Variants in DPP6 observed in about 807,000 individuals in gnomAD.
DPP6 encodes A-type potassium channel modulatory protein DPP6.
In DPP6, 69 loss-of-function variants were observed where a neutral mutation model predicts 122.6. That is an observed-to-expected ratio of 0.56 (90% confidence interval 0.46 to 0.69). The LOEUF (loss-of-function observed/expected upper bound fraction) is 0.69, where lower values mean the gene tolerates loss of function less well. Ranked by LOEUF, DPP6 falls within the 30% of genes least tolerant of loss-of-function variation. The pLI is 0.00. For synonymous variants in DPP6, 418 were observed against 433.1 expected (o/e 0.97, Z 0.43); for missense variants, 928 against 1,116.9 (o/e 0.83, Z 2.41).
At chr7:154,031,849 T>C (rs1377214538) in intron 1 of DPP6, among the ~76,000 whole-genome samples, 1 of 148,732 alleles carries the variant, frequency 6.7e-6, no homozygotes, top group African/African-American at 2.5e-5. Context: ...TCATTCTTTT[T>C]TCCTTTTTTT....
chr7:154,078,066 C>T (rs1367696933), intron 1 of DPP6, among the ~76,000 whole-genome samples: 2 of 152,100 alleles, frequency 1.3e-5, no homozygotes, highest in Non-Finnish European at 2.9e-5. Flanking sequence ...GACAGTGTGT[C>T]TACTTCCTTC....
At position 154,572,056 on chromosome 7, in the gene DPP6, G is replaced by A. The variant is rs540155972; in HGVS notation, c.627+5140G>A. On this transcript the variant is annotated intron_variant, in intron 5 of 25. Transcript: ENST00000377770. ...GCATGGGTGTTGACAGGGCCCAAATGCCATCCTTAGAGATGGGTTCTGCTC... is the reference window on the plus strand; with the variant it reads ...GCATGGGTGTTGACAGGGCCCAAATACCATCCTTAGAGATGGGTTCTGCTC... Among the ~76,000 whole-genome samples, 10 of 152,256 alleles carry A rather than the reference G, an allele frequency of 6.6e-5. No homozygotes were observed. The East Asian group carries it at 1.2e-3, about 18-fold the overall frequency.
chr7:154,882,577 C>T (rs779795273), intron 21 of DPP6, among the ~76,000 whole-genome samples: 1 of 152,136 alleles, frequency 6.6e-6, no homozygotes, highest in African/African-American at 2.4e-5. Context: ...ACCTGGGACA[C>T]AGAGCCCAGG....
chr7:154,282,727 A>C lies in DPP6; in HGVS notation c.244-163487A>C, dbSNP rs1010076184. The stretch of plus-strand genomic sequence containing the variant: ...ATCAAAAAGACCATTGTTCTCCCAG[A>C]CTTTCAGTATAACAAACAAATTTAA... On this transcript the variant is annotated intron_variant, in intron 1 of 25. Coordinates refer to ENST00000377770, the MANE Select transcript of DPP6 (RefSeq NM_130797.4). This position sits in a 1 kb window ranked among gnomAD's most constrained non-coding sequence, Gnocchi z 4.8. Among the ~76,000 whole-genome samples the C allele has an allele frequency of 1.3e-5, 2 of 152,228 alleles. No homozygotes were observed. Among genetic ancestry groups the C allele is most frequent in the African/African-American group, 2.4e-5 (1 of 41,458 alleles).
intron 1 of DPP6, among the ~76,000 whole-genome samples, chr7:154,085,555 C>T (rs1333813247): frequency 6.6e-6 from 1 of 152,028 alleles, no homozygotes; most frequent in African/African-American, 2.4e-5. Flanking sequence ...TGTTGTACTC[C>T]TTGTTTTCTG....
intron 1 of DPP6, among the ~76,000 whole-genome samples, chr7:154,298,501 A>G: frequency 6.6e-6 from 1 of 152,234 alleles, no homozygotes; most frequent in East Asian, 1.9e-4. Context: ...TATTTTTCTT[A>G]CTAATAAAGA....
At chr7:153,765,549 CA>C in the DPP6 span, among the ~76,000 whole-genome samples, 394 of 137,346 alleles carry the variant, frequency 2.9e-3, 2 homozygotes, top group African/African-American at 8.9e-3. Context: ...TGTAAAAAAA[CA>C]AAAAAAAAAA....
rs563093584 is a variant in DPP6 at position 154,618,854 on chromosome 7, T to C, written c.628-18967T>C. Among the ~76,000 whole-genome samples the C allele has an allele frequency of 6.6e-4, 101 of 152,352 alleles. 1 individual carries two copies. The South Asian group carries it at 0.018, about 27-fold the overall frequency. On this transcript the variant is annotated intron_variant, in intron 5 of 25. Coordinates refer to ENST00000377770, the MANE Select transcript of DPP6 (RefSeq NM_130797.4). This position sits in a 1 kb window ranked among gnomAD's most constrained non-coding sequence, Gnocchi z 4.1. ...TGACTTGCCCAGAGTTACACACTGA[T>C]ATGGTTTAGCTGTGTCCCCACCCAA...
intron 1 of DPP6, among the ~76,000 whole-genome samples, chr7:153,949,777 T>C (rs1350746452): frequency 6.6e-6 from 1 of 152,186 alleles, no homozygotes; most frequent in African/African-American, 2.4e-5. Context: ...GAGTAGAAGG[T>C]AGAAAATTCC....
At chr7:154,108,288 C>T (rs562895029) in intron 1 of DPP6, among the ~76,000 whole-genome samples, 7 of 152,262 alleles carry the variant, frequency 4.6e-5, no homozygotes, top group East Asian at 1.9e-4. Flanking sequence ...AGTGGCCCAC[C>T]GGTCATCTCT....
At chr7:154,835,938 G>T (rs1801011982) in intron 16 of DPP6, among the ~76,000 whole-genome samples, 1 of 152,184 alleles carries the variant, frequency 6.6e-6, no homozygotes, top group African/African-American at 2.4e-5. Flanking sequence ...CTTTGTTTAA[G>T]AAAGCGGCTT....
intron 1 of DPP6, among the ~76,000 whole-genome samples, chr7:154,014,453 G>A (rs1377172688): frequency 2.0e-5 from 3 of 150,600 alleles, no homozygotes; most frequent in Non-Finnish European, 2.9e-5. Flanking sequence ...TCAGGAGTTC[G>A]AGACCAACCT....
upstream of DPP6, among the ~76,000 whole-genome samples, chr7:153,886,804 C>T (rs1220853477): frequency 6.6e-6 from 1 of 152,196 alleles, no homozygotes; most frequent in African/African-American, 2.4e-5. Flanking sequence ...GCTCCCTCGC[C>T]AGACTTGCGG....
chr7:154,036,368 A>G (rs904415845), intron 1 of DPP6, among the ~76,000 whole-genome samples: 95 of 148,024 alleles, frequency 6.4e-4, no homozygotes, highest in Middle Eastern at 6.8e-3. Flanking sequence ...TGATCCGCCC[A>G]CCTCAGCCTC....
chr7:154,414,182 G>A (rs1385951542), intron 1 of DPP6, among the ~76,000 whole-genome samples: 1 of 152,138 alleles, frequency 6.6e-6, no homozygotes, highest in African/African-American at 2.4e-5. Flanking sequence ...CAATTTTTGT[G>A]TACTAATATG....
intron 7 of DPP6, among the ~76,000 whole-genome samples, chr7:154,695,216 G>A (rs1840150461): frequency 6.6e-6 from 1 of 152,128 alleles, no homozygotes; most frequent in Non-Finnish European, 1.5e-5. Context: ...CTATTGCAGA[G>A]CCTGATGCCT....
At chr7:153,862,546 A>G in the DPP6 span, among the ~76,000 whole-genome samples, 1 of 152,164 alleles carries the variant, frequency 6.6e-6, no homozygotes, top group Admixed American at 6.5e-5. Context: ...TTAGTTTTCT[A>G]GTTTTTGTTT....
At chr7:154,511,098 C>T (rs560415030) in intron 3 of DPP6, among the ~76,000 whole-genome samples, 61 of 152,090 alleles carry the variant, frequency 4.0e-4, no homozygotes, top group African/African-American at 1.4e-3. Flanking sequence ...AAGGAAAATT[C>T]GATATCACTT....
chr7:154,053,342 AC>A (rs1048111350), intron 1 of DPP6, among the ~76,000 whole-genome samples: 13 of 152,212 alleles, frequency 8.5e-5, no homozygotes, highest in African/African-American at 2.9e-4. Context: ...AATTCGCCTT[AC>A]GTTCCCTGGG....
Sources: allele counts gnomAD v4.1 joint callset (sites outside exome capture counted in the v4.1 genomes callset), GRCh38; gene constraint gnomAD v4.1.1; non-coding constraint Gnocchi (gnomAD v3.1); transcripts MANE v1.5; gene names NCBI Gene and HGNC (gene_info 2026-07-23, HGNC 2026-07-21).